Variants in TOX2 observed in about 807,000 individuals in gnomAD.
The protein encoded by TOX2 is granulosa cell HMG box 1.
Under a neutral mutation model 47.4 loss-of-function variants are expected in TOX2, and 15 were observed. The ratio of observed to expected loss-of-function variants is 0.32; its 90% CI spans 0.21 to 0.49. TOX2 has a LOEUF of 0.49. Ranked by LOEUF, TOX2 falls within the 20% of genes least tolerant of loss-of-function variation. The pLI is 0.99. For missense variants in TOX2, 622 were observed against 673.1 expected (o/e 0.92, Z 0.84); for synonymous variants, 290 against 296.6 (o/e 0.98, Z 0.23).
chr20:44,068,929 C>T lies in TOX2; in HGVS notation c.*243C>T. On this transcript the variant is annotated 3_prime_UTR_variant, in exon 9 of 9. Coordinates refer to ENST00000341197, the MANE Select transcript of TOX2 (RefSeq NM_001098797.2). ...CTTCCGCCCGCTGACCTGCTTGCTC[C>T]AGGGTAACTGTGGACCCTGTCCTCG... 1.5e-6 allele frequency: 1 copy of T among 670,900 alleles called. No homozygotes were observed. The highest frequency in any genetic ancestry group is 2.8e-6 in the Non-Finnish European group (1 of 359,942). 41.6% of individuals were successfully genotyped at this position (670,900 alleles called of 1,614,324 possible). A position where few individuals can be genotyped will look rare whatever the true frequency, so the allele number is the denominator to read the frequency against.
chr20:44,055,313 G>T (rs951727326), intron 5 of TOX2, among the ~76,000 whole-genome samples: 1 of 152,224 alleles, frequency 6.6e-6, no homozygotes, highest in Non-Finnish European at 1.5e-5. Context: ...TGTACCAGGA[G>T]GGTACATAGT....
chr20:44,068,891 A>C lies in TOX2; in HGVS notation c.*205A>C, dbSNP rs2071886174. ...CCCACTGCCCACCACCAGCCCAAAG[A>C]ACCTGCAGGAACCTTCCGCCCGCTG... On this transcript the variant is annotated 3_prime_UTR_variant, in exon 9 of 9. Coordinates refer to ENST00000341197, the MANE Select transcript of TOX2 (RefSeq NM_001098797.2). 1 of 736,522 alleles carries C rather than the reference A, an allele frequency of 1.4e-6. No individual in the cohort carries two copies. Among genetic ancestry groups the C allele is most frequent in the Non-Finnish European group, 2.4e-6 (1 of 408,316 alleles). The allele number at this position is 736,522 out of a possible 1,614,324, so 45.6% of individuals were successfully genotyped here.
chr20:44,034,505 G>A (rs1361949453), intron 3 of TOX2, among the ~76,000 whole-genome samples: 1 of 152,222 alleles, frequency 6.6e-6, no homozygotes. Flanking sequence ...GGGAGGTCTT[G>A]AGAAGTGAAA....
At chr20:43,975,349 C>T (rs1189793416) in intron 2 of TOX2, among the ~76,000 whole-genome samples, 1 of 152,188 alleles carries the variant, frequency 6.6e-6, no homozygotes, top group African/African-American at 2.4e-5. Flanking sequence ...CAACAATTCC[C>T]CCAACACTTT....
intron 5 of TOX2, among the ~76,000 whole-genome samples, chr20:44,055,898 C>T (rs1248475432): frequency 7.9e-5 from 12 of 152,170 alleles, no homozygotes; most frequent in South Asian, 4.2e-4. Context: ...TCATCTTTAC[C>T]GTATTCTAAA....
At chr20:44,014,717 G>A (rs1213669753) in intron 3 of TOX2, among the ~76,000 whole-genome samples, 1 of 152,184 alleles carries the variant, frequency 6.6e-6, no homozygotes, top group Non-Finnish European at 1.5e-5. Flanking sequence ...TAGGCAATTG[G>A]TAAATGTAAG....
At chr20:43,923,802 A>C (rs1165635493) in intron 1 of TOX2, among the ~76,000 whole-genome samples, 1 of 152,072 alleles carries the variant, frequency 6.6e-6, no homozygotes, top group Non-Finnish European at 1.5e-5. Flanking sequence ...CTCTGCGGTG[A>C]GGTGGGCGGA....
intron 1 of TOX2, among the ~76,000 whole-genome samples, chr20:43,958,996 T>A (rs909649916): frequency 1.3e-5 from 2 of 152,196 alleles, no homozygotes; most frequent in African/African-American, 4.8e-5. Flanking sequence ...AGAAAAGGCC[T>A]CTTAGGACAG....
chr20:43,947,915 G>T (rs2069499361), intron 1 of TOX2, among the ~76,000 whole-genome samples: 2 of 152,124 alleles, frequency 1.3e-5, no homozygotes, highest in African/African-American at 2.4e-5. Flanking sequence ...GCTGAGAATT[G>T]CACCCTCACA....
At chr20:44,036,157 T>C (rs2071235257) in intron 3 of TOX2, among the ~76,000 whole-genome samples, 2 of 152,202 alleles carry the variant, frequency 1.3e-5, no homozygotes, top group Admixed American at 1.3e-4. Flanking sequence ...CTGAGTCCTG[T>C]GGTCCTGAGG....
chr20:44,064,733 CTG>C (rs763294340), intron 5 of TOX2, 42 bp from the exon 6 acceptor site: 1 of 1,592,670 alleles, frequency 6.3e-7, no homozygotes, highest in African/African-American at 1.3e-5. Flanking sequence ...GGCATCTCCT[CTG>C]TAACTTTCTC....
rs1273587947 is a variant in TOX2, at chr20:44,069,550, G to GTGTC, written c.*870_*873dup. 1 of 152,946 alleles carries GTGTC rather than the reference G, an allele frequency of 6.5e-6. No individual in the cohort carries two copies. The highest frequency in any genetic ancestry group is 1.5e-5 in the Non-Finnish European group (1 of 68,238). The allele number at this position is 152,946 out of a possible 1,614,324, so 9.5% of individuals were successfully genotyped here. ...TGCAGCTGTTTCCTGGCCCTGGCGA[G>GTGTC]TGTCTGTCTTGGTGCCCAGTGCTTC... On this transcript the variant is annotated 3_prime_UTR_variant, in exon 9 of 9. Coordinates refer to ENST00000341197, the MANE Select transcript of TOX2 (RefSeq NM_001098797.2).
intron 1 of TOX2, among the ~76,000 whole-genome samples, chr20:43,947,419 A>G (rs1258797681): frequency 6.6e-6 from 1 of 152,222 alleles, no homozygotes; most frequent in African/African-American, 2.4e-5. Context: ...CTCATTAATG[A>G]GGCATGAATG....
chr20:44,064,243 A>G (rs916201793), intron 5 of TOX2, among the ~76,000 whole-genome samples: 22 of 152,226 alleles, frequency 1.4e-4, no homozygotes, highest in Admixed American at 1.0e-3. Context: ...ACACAAGGCT[A>G]AGCTCCAAGT....
chr20:43,953,415 C>T (rs776088560), intron 1 of TOX2, among the ~76,000 whole-genome samples: 1 of 152,182 alleles, frequency 6.6e-6, no homozygotes, highest in Admixed American at 6.5e-5. Flanking sequence ...TCTGTCATCA[C>T]GTTCATGCAC....
At chr20:44,010,014 A>G (rs1225701261) in intron 3 of TOX2, among the ~76,000 whole-genome samples, 1 of 152,172 alleles carries the variant, frequency 6.6e-6, no homozygotes, top group Non-Finnish European at 1.5e-5. Context: ...GAGGATTGTG[A>G]TGAAGTGTAT....
At chr20:43,986,726 C>T (rs1479750293) in intron 2 of TOX2, among the ~76,000 whole-genome samples, 2 of 152,198 alleles carry the variant, frequency 1.3e-5, no homozygotes, top group African/African-American at 2.4e-5. Flanking sequence ...GTATCTAAAG[C>T]TGAATATATG....
intron 3 of TOX2, among the ~76,000 whole-genome samples, chr20:44,041,925 T>C (rs2071336980): frequency 6.6e-6 from 1 of 152,146 alleles, no homozygotes; most frequent in South Asian, 2.1e-4. Context: ...GGCAAAAACA[T>C]TCATAATAAA....
intron 1 of TOX2, among the ~76,000 whole-genome samples, chr20:43,927,404 A>T (rs1040648710): frequency 1.3e-5 from 2 of 150,052 alleles, no homozygotes; most frequent in African/African-American, 4.9e-5. Context: ...GGAAGGACGA[A>T]TGGAGTCCTC....
Sources: gnomAD v4.1 joint callset for allele counts (sites outside exome capture counted in the v4.1 genomes callset) on GRCh38, gnomAD v4.1.1 for gene constraint, MANE v1.5 for transcripts, NCBI Gene and HGNC (gene_info 2026-07-23, HGNC 2026-07-21) for gene names.